ATXN1: variants seen among roughly 807,000 people sequenced by gnomAD.
ATXN1 encodes the protein ataxin 1.
ATXN1 carries 8 observed loss-of-function variants against 56.4 expected under a neutral mutation model. That is an observed-to-expected ratio of 0.14 (90% CI 0.08 to 0.26). The LOEUF is 0.26. ATXN1 is among the 10% of genes least tolerant of loss of function. ATXN1 has a pLI of 1.00. For missense variants in ATXN1, 987 were observed against 1,106.5 expected (o/e 0.89, Z 1.53); for synonymous variants, 514 against 494.6 (o/e 1.04, Z -0.52).
Position 16,328,496 on chromosome 6 carries a change from A to C in ATXN1, c.-160-26T>G. 9.2e-7 allele frequency: 1 copy of C among 1,091,932 alleles called. No homozygotes were observed. Among genetic ancestry groups the C allele is most frequent in the Non-Finnish European group, 1.2e-6 (1 of 840,152 alleles). The allele number at this position is 1,091,932 out of a possible 1,614,324, so 67.6% of individuals were successfully genotyped here. The stretch of plus-strand genomic sequence containing the variant: ...CTGGGAAAGGGAAGAGGGCAGTGAC[A>C]AAGGGAAAAGGAAAGGGAGGAGAAA... On this transcript the variant is annotated intron_variant, in intron 6 of 7. Coordinates refer to ENST00000436367, the MANE Select transcript of ATXN1 (RefSeq NM_001128164.2). The surrounding 1 kb of genome is among the most constrained non-coding windows in gnomAD (Gnocchi z 6.2).
chr6:16,637,221 T>C (rs1321311639), intron 3 of ATXN1, among the ~76,000 whole-genome samples: 1 of 151,982 alleles, frequency 6.6e-6, no homozygotes, highest in Non-Finnish European at 1.5e-5. Flanking sequence ...CTGGAAACCA[T>C]CATTCTCAGC....
In ATXN1 at chr6:16,756,847, C is replaced by T. The variant is rs556147181; in HGVS notation, c.-729-3500G>A. Among the ~76,000 whole-genome samples the T allele has an allele frequency of 2.6e-5, 4 of 152,244 alleles. No individual in the cohort carries two copies. In the East Asian group the frequency reaches 5.8e-4, roughly 22 times the overall value. ...GAATTTTAGTAAAATATGTTTATTG[C>T]TTAACTTTTAATAGGAAACAAAATG... On this transcript the variant is annotated intron_variant, in intron 1 of 7. Coordinates refer to ENST00000436367, the MANE Select transcript of ATXN1 (RefSeq NM_001128164.2).
intron 2 of ATXN1, among the ~76,000 whole-genome samples, chr6:16,668,763 T>G (rs762350027): frequency 6.6e-6 from 1 of 152,086 alleles, no homozygotes; most frequent in Non-Finnish European, 1.5e-5. Flanking sequence ...CAAACTGGTA[T>G]GGAGCTTTTA....
At position 16,562,098 on chromosome 6, in the gene ATXN1, A is replaced by T. The variant is rs1297979060; in HGVS notation, c.-361+23682T>A. ...AGTGTTTTCAGAAACAAATAGGCTG[A>T]TGCAGTGGCTCACACCTGTAATCCC... On this transcript the variant is annotated intron_variant, in intron 4 of 7. Transcript: ENST00000436367. Among the ~76,000 whole-genome samples, 3 of 152,084 alleles carry T rather than the reference A, an allele frequency of 2.0e-5. No individual in the cohort carries two copies. The South Asian group carries it at 6.2e-4, about 32-fold the overall frequency.
chr6:16,324,383 C>T (rs1358861948), intron 7 of ATXN1, among the ~76,000 whole-genome samples: 1 of 151,452 alleles, frequency 6.6e-6, no homozygotes, highest in Non-Finnish European at 1.5e-5. Context: ...CCTAGGAGGT[C>T]AAGGCCACAG....
In ATXN1 at chr6:16,358,082, C is replaced by A. The variant is rs144904494; in HGVS notation, c.-160-29612G>T. On this transcript the variant is annotated intron_variant, in intron 6 of 7. Transcript: ENST00000436367. ...ATCAAAAGGCAAGAAGAGCAAACACCTACCATAATTTTGGTTAGAGAGAGG... is the reference window on the plus strand; with the variant it reads ...ATCAAAAGGCAAGAAGAGCAAACACATACCATAATTTTGGTTAGAGAGAGG... Among the ~76,000 whole-genome samples, 941 of 152,128 alleles carry A rather than the reference C, an allele frequency of 6.2e-3. 4 individuals are homozygous for A. The highest frequency in any genetic ancestry group is 0.024 in the Middle Eastern group (7 of 294).
At chr6:16,324,241 G>A (rs1476729300) in intron 7 of ATXN1, among the ~76,000 whole-genome samples, 2 of 152,096 alleles carry the variant, frequency 1.3e-5, no homozygotes, top group Non-Finnish European at 2.9e-5. Flanking sequence ...CCAGGAGTTT[G>A]AGACCAGCCT....
chr6:16,316,169 T>C (rs954849718), intron 7 of ATXN1, among the ~76,000 whole-genome samples: 22 of 152,186 alleles, frequency 1.4e-4, no homozygotes, highest in African/African-American at 5.1e-4. Flanking sequence ...AAACTGCGCA[T>C]GCAAGGAATC....
intron 6 of ATXN1, among the ~76,000 whole-genome samples, chr6:16,418,652 C>T (rs932528749): frequency 4.0e-5 from 6 of 150,680 alleles, no homozygotes; most frequent in Non-Finnish European, 5.9e-5. Flanking sequence ...TGGTGTGCTG[C>T]ACCCATTAAC....
At chr6:16,620,340 ATAATC>A in intron 3 of ATXN1, among the ~76,000 whole-genome samples, 1 of 151,808 alleles carries the variant, frequency 6.6e-6, no homozygotes. Flanking sequence ...ATTTCCAACC[ATAATC>A]TATTTATCTA....
At chr6:16,750,803 A>G (rs888794672) in intron 2 of ATXN1, among the ~76,000 whole-genome samples, 1 of 152,120 alleles carries the variant, frequency 6.6e-6, no homozygotes, top group Non-Finnish European at 1.5e-5. Flanking sequence ...TCAACACCAC[A>G]GGTTAAAAAA....
At chr6:16,509,870 A>C (rs1761049763) in intron 5 of ATXN1, among the ~76,000 whole-genome samples, 1 of 152,018 alleles carries the variant, frequency 6.6e-6, no homozygotes, top group Admixed American at 6.6e-5. Flanking sequence ...ACTTTTCCCC[A>C]TCACAGGCAT....
intron 6 of ATXN1, among the ~76,000 whole-genome samples, chr6:16,448,298 G>A (rs1362027775): frequency 6.6e-6 from 1 of 152,172 alleles, no homozygotes; most frequent in African/African-American, 2.4e-5. Flanking sequence ...TCTCTGCTGT[G>A]ATGTGTCCCT....
chr6:16,491,277 A>ATTATT (rs1561723418), intron 5 of ATXN1, among the ~76,000 whole-genome samples: 2 of 132,202 alleles, frequency 1.5e-5, no homozygotes, highest in Non-Finnish European at 3.2e-5. Context: ...TATTATTATT[A>ATTATT]TTTTTTTTTT....
At chr6:16,483,577 A>G (rs1334536833) in intron 6 of ATXN1, among the ~76,000 whole-genome samples, 1 of 152,216 alleles carries the variant, frequency 6.6e-6, no homozygotes, top group Non-Finnish European at 1.5e-5. Flanking sequence ...GAAAGTACTT[A>G]GCATGCACAA....
chr6:16,340,052 A>AT (rs1250889820), intron 6 of ATXN1, among the ~76,000 whole-genome samples: 1 of 152,172 alleles, frequency 6.6e-6, no homozygotes, highest in African/African-American at 2.4e-5. Context: ...AAGTGCTGGG[A>AT]TTACAGGTAT....
chr6:16,659,701 A>C (rs1758278384), intron 2 of ATXN1, among the ~76,000 whole-genome samples: 1 of 152,198 alleles, frequency 6.6e-6, no homozygotes, highest in Admixed American at 6.5e-5. Flanking sequence ...CATTTAATGA[A>C]ATGTAATGCG....
chr6:16,687,942 T>C (rs980972689), intron 2 of ATXN1, among the ~76,000 whole-genome samples: 4 of 152,202 alleles, frequency 2.6e-5, no homozygotes, highest in Admixed American at 1.3e-4. Context: ...TATACTTTCA[T>C]TGGCCACTTT....
intron 2 of ATXN1, among the ~76,000 whole-genome samples, chr6:16,704,026 A>G (rs1188293074): frequency 6.6e-6 from 1 of 152,220 alleles, no homozygotes; most frequent in African/African-American, 2.4e-5. Context: ...TCTCAAAAAA[A>G]CAAAGCAATA....
Sources: gnomAD v4.1 joint callset for allele counts (sites outside exome capture counted in the v4.1 genomes callset) on GRCh38, gnomAD v4.1.1 for gene constraint, Gnocchi (gnomAD v3.1) non-coding constraint, MANE v1.5 for transcripts, NCBI Gene and HGNC (gene_info 2026-07-23, HGNC 2026-07-21) for gene names.